COLEC12: variants seen among roughly 807,000 people sequenced by gnomAD.
The protein encoded by COLEC12 is collectin-12.
In COLEC12, 33 loss-of-function variants were observed where a neutral mutation model predicts 71.1. The observed-to-expected ratio is 0.46, with a 90% CI of 0.35 to 0.62. COLEC12 has a LOEUF of 0.62. COLEC12 is among the 20% of genes least tolerant of loss of function. COLEC12 has a pLI of 0.00. For missense variants in COLEC12, 765 were observed against 916.1 expected (o/e 0.84, Z 2.13); for synonymous variants, 350 against 353.0 (o/e 0.99, Z 0.10).
intron 3 of COLEC12, among the ~76,000 whole-genome samples, chr18:356,124 A>G (rs1238851827): frequency 6.6e-6 from 1 of 152,216 alleles, no homozygotes; most frequent in Non-Finnish European, 1.5e-5. Context: ...TCTAACTGCT[A>G]GTGCTGTGTA....
At chr18:405,073 T>C (rs568297408) in intron 2 of COLEC12, among the ~76,000 whole-genome samples, 1 of 152,260 alleles carries the variant, frequency 6.6e-6, no homozygotes, top group East Asian at 1.9e-4. Context: ...CCTGGTCTCC[T>C]GCAGTACCCT....
chr18:368,379 C>T (rs975928894), intron 2 of COLEC12, among the ~76,000 whole-genome samples: 2 of 151,962 alleles, frequency 1.3e-5, no homozygotes, highest in African/African-American at 4.8e-5. Context: ...TTGAGACCAG[C>T]CTGGCCAATA....
Position 500,439 on chromosome 18 carries a change from CGTG to C in COLEC12, c.7+66_7+68del. The stretch of plus-strand genomic sequence containing the variant: ...GGAAGGTTCGCGCGGGAGGCACCTC[CGTG>C]GCCTCCCGCGCGCCCCGAAGCCCGT... On this transcript the variant is annotated intron_variant, in intron 1 of 9. Coordinates refer to ENST00000400256, the MANE Select transcript of COLEC12 (RefSeq NM_130386.3). The surrounding 1 kb of genome is among the most constrained non-coding windows in gnomAD (Gnocchi z 5.3). 3.4e-6 allele frequency: 3 copies of C among 883,898 alleles called. No homozygotes were observed. The highest frequency in any genetic ancestry group is 9.4e-5 in the East Asian group (1 of 10,596). The allele number at this position is 883,898 out of a possible 1,614,324, so 54.8% of individuals were successfully genotyped here. A position where few individuals can be genotyped will look rare whatever the true frequency, so the allele number is the denominator to read the frequency against.
rs934737252 is a variant in COLEC12 at position 480,937 on chromosome 18, C to T, written c.8-180G>A. ...GTCTCCACCCTGGCTGCTCCTGCTGCTTGGGATGCACTTCCTCTGTTCCTA... is the reference window on the plus strand; with the variant it reads ...GTCTCCACCCTGGCTGCTCCTGCTGTTTGGGATGCACTTCCTCTGTTCCTA... On this transcript the variant is annotated intron_variant, in intron 1 of 9. Transcript: ENST00000400256. The surrounding 1 kb of genome is among the most constrained non-coding windows in gnomAD (Gnocchi z 4.1). Among the ~76,000 whole-genome samples, 3 of 152,148 alleles carry T rather than the reference C, an allele frequency of 2.0e-5. No individual in the cohort carries two copies. Among genetic ancestry groups the T allele is most frequent in the Non-Finnish European group, 4.4e-5 (3 of 68,022 alleles).
At chr18:463,020 C>G (rs2846668) in intron 2 of COLEC12, among the ~76,000 whole-genome samples, 119,204 of 152,166 alleles carry the variant, frequency 0.78, 46,938 homozygotes, top group East Asian at 0.99. Flanking sequence ...GCTGTTCTCT[C>G]AGGAGAAGCG....
chr18:333,977 T>C (rs1013606287), intron 6 of COLEC12: 4 of 152,368 alleles, frequency 2.6e-5, no homozygotes, highest in Admixed American at 2.0e-4. Flanking sequence ...GGCCAGGAGT[T>C]CAAGACCAGC....
At chr18:450,293 G>A (rs763571117) in intron 2 of COLEC12, among the ~76,000 whole-genome samples, 1 of 152,156 alleles carries the variant, frequency 6.6e-6, no homozygotes, top group Non-Finnish European at 1.5e-5. Flanking sequence ...ATCTCATGTC[G>A]ATTTGTAATC....
At chr18:486,404 C>CTT (rs1481119374) in intron 1 of COLEC12, among the ~76,000 whole-genome samples, 1 of 152,196 alleles carries the variant, frequency 6.6e-6, no homozygotes, top group East Asian at 1.9e-4. Context: ...AGGCTGGCCT[C>CTT]AAACTCCTGG....
Position 480,778 on chromosome 18 carries a change from C to G in COLEC12, c.8-21G>C, listed in dbSNP as rs772811249. ...GTCGTCTGTGAGAGAAGAAGAGACA[C>G]GATGTTAATCCTGGCAAGGGGCACA... On this transcript the variant is annotated intron_variant, in intron 1 of 9. Coordinates refer to ENST00000400256, the MANE Select transcript of COLEC12 (RefSeq NM_130386.3). The surrounding 1 kb of genome is among the most constrained non-coding windows in gnomAD (Gnocchi z 4.1). The G allele has an allele frequency of 2.5e-6, 4 of 1,611,408 alleles. No individual in the cohort carries two copies. Among genetic ancestry groups the G allele is most frequent in the East Asian group, 2.2e-5 (1 of 44,880 alleles).
Position 500,221 on chromosome 18 carries a change from G to A in COLEC12, c.7+287C>T, listed in dbSNP as rs1917793581. On this transcript the variant is annotated intron_variant, in intron 1 of 9. Transcript: ENST00000400256. This position sits in a 1 kb window ranked among gnomAD's most constrained non-coding sequence, Gnocchi z 5.3. The stretch of plus-strand genomic sequence containing the variant: ...TTTTTCAATTAAAAAGTTGGAAACG[G>A]GAATCCGTAAACAACGACTTAGGGC... 1.3e-5 allele frequency among the ~76,000 whole-genome samples: 2 copies of A among 152,334 alleles called. No homozygotes were observed. Among genetic ancestry groups the A allele is most frequent in the African/African-American group, 2.4e-5 (1 of 41,592 alleles).
chr18:383,358 T>C (rs1169208702), intron 2 of COLEC12, among the ~76,000 whole-genome samples: 2 of 152,064 alleles, frequency 1.3e-5, no homozygotes, highest in Middle Eastern at 3.2e-3. Flanking sequence ...GCTGTTAATA[T>C]GCAATGAGAT....
chr18:332,152 G>A (rs753961525), intron 7 of COLEC12, among the ~76,000 whole-genome samples: 2 of 152,352 alleles, frequency 1.3e-5, no homozygotes, highest in Admixed American at 6.5e-5. Context: ...CCCACGTGCA[G>A]TGTGTTGCAC....
At chr18:339,508 C>T (rs1267745558) in intron 5 of COLEC12, among the ~76,000 whole-genome samples, 1 of 149,646 alleles carries the variant, frequency 6.7e-6, no homozygotes, top group African/African-American at 2.4e-5. Context: ...ATAAAGATCT[C>T]CAGTTCTACT....
chr18:318,453 T>A lies in COLEC12; in HGVS notation c.*1592A>T, dbSNP rs1335064597. On this transcript the variant is annotated 3_prime_UTR_variant, in exon 10 of 10. Transcript: ENST00000400256. Reference sequence around the variant, plus strand: ...CTTTCCAACAGCAAGTCAAGGAAAGTCAAGGAGCGAAAGGAAGATGGGCTC... The same window carrying A: ...CTTTCCAACAGCAAGTCAAGGAAAGACAAGGAGCGAAAGGAAGATGGGCTC... The A allele has an allele frequency of 6.6e-6, 1 of 150,470 alleles. No homozygotes were observed. The highest frequency in any genetic ancestry group is 2.4e-5 in the African/African-American group (1 of 40,856). 9.3% of individuals were successfully genotyped at this position (150,470 alleles called of 1,614,324 possible). A position where few individuals can be genotyped will look rare whatever the true frequency, so the allele number is the denominator to read the frequency against.
chr18:454,820 G>T (rs769045096), intron 2 of COLEC12, among the ~76,000 whole-genome samples: 3 of 152,242 alleles, frequency 2.0e-5, no homozygotes, highest in African/African-American at 7.2e-5. Context: ...ATGAGGGCAG[G>T]TCTTTTCTGT....
intron 2 of COLEC12, among the ~76,000 whole-genome samples, chr18:400,723 C>T (rs1182285724): frequency 6.6e-6 from 1 of 152,176 alleles, no homozygotes; most frequent in Non-Finnish European, 1.5e-5. Context: ...TCAATCATCA[C>T]AGAAATGCCT....
At chr18:451,786 TA>T in intron 2 of COLEC12, among the ~76,000 whole-genome samples, 1 of 151,962 alleles carries the variant, frequency 6.6e-6, no homozygotes. Flanking sequence ...AACTTATATT[TA>T]AAAGGGAAGC....
chr18:380,735 C>A (rs773412124), intron 2 of COLEC12, among the ~76,000 whole-genome samples: 1 of 152,114 alleles, frequency 6.6e-6, no homozygotes, highest in Non-Finnish European at 1.5e-5. Context: ...AAGAAGTGAG[C>A]TGTACATCAG....
intron 2 of COLEC12, among the ~76,000 whole-genome samples, chr18:447,891 T>C (rs1490652141): frequency 6.6e-6 from 1 of 152,212 alleles, no homozygotes; most frequent in Non-Finnish European, 1.5e-5. Context: ...ATCTTCATCT[T>C]TGGTAGCGGT....
Sources: gnomAD v4.1 joint callset for allele counts (sites outside exome capture counted in the v4.1 genomes callset) on GRCh38, gnomAD v4.1.1 for gene constraint, Gnocchi (gnomAD v3.1) non-coding constraint, MANE v1.5 for transcripts, NCBI Gene and HGNC (gene_info 2026-07-23, HGNC 2026-07-21) for gene names.